The following DENND4A variants were observed in gnomAD, a reference collection of about 807,000 sequenced individuals.
DENND4A encodes C-myc promoter-binding protein.
DENND4A carries 70 observed loss-of-function variants against 199.3 expected under a neutral mutation model. The observed-to-expected ratio is 0.35, with a 90% confidence interval of 0.29 to 0.43. The LOEUF (loss-of-function observed/expected upper bound fraction) is 0.43, where lower values mean the gene tolerates loss of function less well. Among genes scored for constraint, DENND4A ranks in the 20% least tolerant of loss-of-function variants. The pLI, the probability that DENND4A is intolerant of heterozygous loss-of-function variation, is 1.00. For synonymous variants in DENND4A, 686 were observed against 766.9 expected (o/e 0.89, Z 1.74); for missense variants, 1,723 against 2,255.8 (o/e 0.76, Z 4.78).
intron 1 of DENND4A, among the ~76,000 whole-genome samples, chr15:65,773,056 C>G (rs1356028287): frequency 6.7e-6 from 1 of 148,978 alleles, no homozygotes; most frequent in Non-Finnish European, 1.5e-5. Context: ...ATATACAGCA[C>G]CCAGTGGCAA....
chr15:65,711,187 C>T (rs1200036741), intron 14 of DENND4A, among the ~76,000 whole-genome samples: 2 of 152,150 alleles, frequency 1.3e-5, no homozygotes, highest in Admixed American at 1.3e-4. Context: ...TGTCAAAGAG[C>T]TATGACATTA....
At chr15:65,784,924 G>C (rs2077527737) in intron 1 of DENND4A, among the ~76,000 whole-genome samples, 1 of 152,028 alleles carries the variant, frequency 6.6e-6, no homozygotes, top group Non-Finnish European at 1.5e-5. Flanking sequence ...GAGGCGGGCA[G>C]ATCACTTTAG....
intron 1 of DENND4A, among the ~76,000 whole-genome samples, chr15:65,780,279 A>G (rs2077404279): frequency 1.3e-5 from 2 of 152,208 alleles, no homozygotes. Context: ...GTCTTAGTAC[A>G]GCTACCTCCC....
intron 12 of DENND4A, among the ~76,000 whole-genome samples, chr15:65,720,413 ATTTTT>A (rs200076757): frequency 7.1e-6 from 1 of 141,254 alleles, no homozygotes. Flanking sequence ...AAAGCCTAGG[ATTTTT>A]TTTTTTTTTT....
chr15:65,697,021 T>C (rs11071848), intron 21 of DENND4A: 76,103 of 365,104 alleles, frequency 0.21, 11,005 homozygotes, highest in East Asian at 0.7. Context: ...CATGTATTTT[T>C]GGAATTACGT....
chr15:65,678,936 C>T lies in DENND4A; in HGVS notation c.4180-2302G>A, dbSNP rs574954635. Among the ~76,000 whole-genome samples, 9 of 152,224 alleles carry T rather than the reference C, an allele frequency of 5.9e-5. No individual in the cohort carries two copies. In the East Asian group the frequency reaches 1.5e-3, roughly 26 times the overall value. On this transcript the variant is annotated intron_variant, in intron 23 of 32. Coordinates refer to ENST00000443035, the MANE Select transcript of DENND4A (RefSeq NM_001320835.1). ...GAACTCCTAGACTCAAGTGATATGC[C>T]TGCCTTGGCCTCCCAAAGTGCTGGG...
chr15:65,723,085 A>C (rs1242796179), intron 11 of DENND4A, 137 bp from the exon 12 acceptor site: 2 of 667,544 alleles, frequency 3.0e-6, no homozygotes, highest in Non-Finnish European at 4.5e-6. Flanking sequence ...TTGCATTAAC[A>C]AGAGAAAAAT....
chr15:65,728,879 A>G (rs754851962), intron 11 of DENND4A, 193 bp downstream of exon 11: 2 of 639,192 alleles, frequency 3.1e-6, no homozygotes, highest in Non-Finnish European at 5.6e-6. Flanking sequence ...CTTCCAACAA[A>G]ACCTTCTTTA....
intron 2 of DENND4A, 74 bp from the exon 3 acceptor site, chr15:65,756,546 G>A: frequency 8.7e-7 from 1 of 1,148,124 alleles, no homozygotes; most frequent in Non-Finnish European, 1.2e-6. Context: ...GTGCAAATAA[G>A]AACAAAAAAC....
At chr15:65,738,622 T>C in intron 6 of DENND4A, 84 bp downstream of exon 6, 3 of 1,194,974 alleles carry the variant, frequency 2.5e-6, no homozygotes, top group Non-Finnish European at 3.5e-6. Flanking sequence ...ATTTAATCAG[T>C]TTTTCCCCTA....
At chr15:65,673,751 T>G (rs570577327) in intron 24 of DENND4A, among the ~76,000 whole-genome samples, 1 of 152,050 alleles carries the variant, frequency 6.6e-6, no homozygotes, top group East Asian at 1.9e-4. Context: ...TTAGCACTGG[T>G]GGTAAATGCA....
intron 18 of DENND4A, 105 bp from the exon 19 acceptor site, chr15:65,701,297 T>G (rs889793700): frequency 1.0e-6 from 1 of 997,104 alleles, no homozygotes; most frequent in Non-Finnish European, 1.4e-6. Flanking sequence ...CCAGGAGTGG[T>G]GGCTCATGCC....
chr15:65,770,489 C>T (rs1051184780), intron 1 of DENND4A, among the ~76,000 whole-genome samples: 1 of 152,050 alleles, frequency 6.6e-6, no homozygotes. Flanking sequence ...CATTTCATTT[C>T]TATGCATGTA....
intron 4 of DENND4A, 148 bp downstream of exon 4, chr15:65,752,231 T>C (rs1026023918): frequency 3.0e-5 from 22 of 739,704 alleles, no homozygotes; most frequent in Admixed American, 9.8e-5. Flanking sequence ...AAATATCTAA[T>C]ATCTTTAAAA....
At chr15:65,784,773 C>T (rs2077523769) in intron 1 of DENND4A, among the ~76,000 whole-genome samples, 1 of 151,984 alleles carries the variant, frequency 6.6e-6, no homozygotes, top group South Asian at 2.1e-4. Flanking sequence ...ACTACAGGAG[C>T]AGAAAGCCCT....
Position 65,742,619 on chromosome 15 carries a change from G to A in DENND4A, c.562-835C>T, listed in dbSNP as rs927890106. 2.6e-5 allele frequency among the ~76,000 whole-genome samples: 4 copies of A among 152,128 alleles called. No homozygotes were observed. In the South Asian group the frequency reaches 6.2e-4, roughly 24 times the overall value. Reference sequence around the variant, plus strand: ...TTTTTGTATTTTTAGTAGAGATGGGGTTTCACCATGTTGGCCATGGTGTTG... The same window carrying A: ...TTTTTGTATTTTTAGTAGAGATGGGATTTCACCATGTTGGCCATGGTGTTG... On this transcript the variant is annotated intron_variant, in intron 4 of 32. Coordinates refer to ENST00000443035, the MANE Select transcript of DENND4A (RefSeq NM_001320835.1).
intron 3 of DENND4A, among the ~76,000 whole-genome samples, chr15:65,755,100 A>G (rs1046658897): frequency 2.0e-5 from 3 of 152,254 alleles, no homozygotes; most frequent in African/African-American, 7.2e-5. Context: ...ACATACTATA[A>G]CATGGATGAA....
chr15:65,735,005 C>T (rs927001431), intron 7 of DENND4A, among the ~76,000 whole-genome samples: 1 of 152,078 alleles, frequency 6.6e-6, no homozygotes, highest in African/African-American at 2.4e-5. Flanking sequence ...ATGGCTTGAG[C>T]CCAGGAGGTC....
chr15:65,784,083 T>C (rs961034330), intron 1 of DENND4A, among the ~76,000 whole-genome samples: 7 of 152,236 alleles, frequency 4.6e-5, no homozygotes, highest in Middle Eastern at 3.4e-3. Flanking sequence ...AGCGGCACTT[T>C]ATCTCTGTGA....
Sources: allele counts gnomAD v4.1 joint callset (sites outside exome capture counted in the v4.1 genomes callset), GRCh38; gene constraint gnomAD v4.1.1; transcripts MANE v1.5; gene names NCBI Gene and HGNC (gene_info 2026-07-23, HGNC 2026-07-21).